SHANK2: variants seen among roughly 807,000 people sequenced by gnomAD.
The protein encoded by SHANK2 is SH3 and multiple ankyrin repeat domains 2.
In SHANK2, 43 loss-of-function variants were observed where a neutral mutation model predicts 133.7. That is an observed-to-expected ratio of 0.32 (90% CI 0.25 to 0.41). The LOEUF (loss-of-function observed/expected upper bound fraction) is 0.41, where lower values mean the gene tolerates loss of function less well. SHANK2 is among the 10% of genes least tolerant of loss of function. SHANK2 has a pLI of 1.00. For synonymous variants in SHANK2, 1,017 were observed against 952.8 expected, an observed-to-expected ratio of 1.07 and a Z score of -1.24; for missense variants, 1,994 against 2,235.8, an observed-to-expected ratio of 0.89 and a Z score of 2.18.
intron 10 of SHANK2, among the ~76,000 whole-genome samples, chr11:70,935,177 G>A (rs996055426): frequency 2.4e-4 from 36 of 152,116 alleles, no homozygotes; most frequent in African/African-American, 8.2e-4. Context: ...CTGTTGCTCC[G>A]TCCTGCCCAG....
intron 17 of SHANK2, among the ~76,000 whole-genome samples, chr11:70,638,922 G>A (rs879971694): frequency 6.6e-6 from 1 of 152,080 alleles, no homozygotes; most frequent in Non-Finnish European, 1.5e-5. Context: ...ATTTGAACAC[G>A]GGAGGTGGAG....
chr11:70,830,102 C>T lies in SHANK2; in HGVS notation c.1175-9420G>A, dbSNP rs568412299. Among the ~76,000 whole-genome samples, 184 of 152,318 alleles carry T rather than the reference C, an allele frequency of 1.2e-3. 1 individual carries two copies. Among genetic ancestry groups the T allele is most frequent in the Non-Finnish European group, 2.0e-3 (139 of 68,030 alleles). ...TCCTCATTTGCCAAGAAGTCTGGCG[C>T]TGAAGGCACAGACTCTGCCCCGACA... On this transcript the variant is annotated intron_variant, in intron 11 of 25. Transcript: ENST00000601538. This position sits in a 1 kb window ranked among gnomAD's most constrained non-coding sequence, Gnocchi z 4.4.
intron 10 of SHANK2, among the ~76,000 whole-genome samples, chr11:70,897,219 G>A (rs553633282): frequency 6.6e-6 from 1 of 152,288 alleles, no homozygotes; most frequent in East Asian, 1.9e-4. Context: ...TGGCCATGGA[G>A]ACCCATAAGG....
intron 11 of SHANK2, among the ~76,000 whole-genome samples, chr11:70,828,409 G>A (rs564696272): frequency 9.9e-5 from 15 of 152,276 alleles, no homozygotes; most frequent in African/African-American, 2.9e-4. Flanking sequence ...ATGCATCACC[G>A]ACTCATAAAA....
chr11:70,703,796 C>T lies in SHANK2; in HGVS notation c.1778-5033G>A, dbSNP rs143093975. On this transcript the variant is annotated intron_variant, in intron 14 of 25. Transcript: ENST00000601538. The stretch of plus-strand genomic sequence containing the variant: ...GCCTCAGAGCTGACCACACCTTCAG[C>T]CGCGCATGCACCTGCTCACCTGGCT... Among the ~76,000 whole-genome samples the T allele has an allele frequency of 1.5e-3, 222 of 152,316 alleles. 1 individual carries two copies. Among genetic ancestry groups the T allele is most frequent in the Admixed American group, 3.0e-3 (46 of 15,306 alleles).
intron 10 of SHANK2, among the ~76,000 whole-genome samples, chr11:70,938,517 T>C (rs1025661496): frequency 6.6e-6 from 1 of 152,144 alleles, no homozygotes; most frequent in African/African-American, 2.4e-5. Flanking sequence ...AAAATACATA[T>C]ATGTGTCATT....
At chr11:71,172,011 G>A (rs1213623548) in intron 2 of SHANK2, among the ~76,000 whole-genome samples, 2 of 152,174 alleles carry the variant, frequency 1.3e-5, no homozygotes, top group Non-Finnish European at 2.9e-5. Flanking sequence ...GCAGCAGTAG[G>A]GTGATGGGAA....
intron 1 of SHANK2, among the ~76,000 whole-genome samples, chr11:71,231,625 C>A (rs1954743360): frequency 6.6e-6 from 1 of 152,184 alleles, no homozygotes; most frequent in Admixed American, 6.5e-5. Context: ...CAGTGGCTCA[C>A]ACCTGTAATA....
intron 15 of SHANK2, among the ~76,000 whole-genome samples, chr11:70,679,117 C>T (rs1197624064): frequency 5.9e-5 from 9 of 152,220 alleles, no homozygotes; most frequent in African/African-American, 1.4e-4. Context: ...TAGTAAAACA[C>T]GGCTGACCGC....
At chr11:70,937,176 C>T (rs1342710225) in intron 10 of SHANK2, among the ~76,000 whole-genome samples, 1 of 152,148 alleles carries the variant, frequency 6.6e-6, no homozygotes, top group Non-Finnish European at 1.5e-5. Context: ...ATCGATAGAG[C>T]CTGTGTCTAG....
In SHANK2 at chr11:70,661,547, ACAC is replaced by A. The variant is rs1565223415; in HGVS notation, c.1936+46_1936+48del. On this transcript the variant is annotated intron_variant, in intron 16 of 25. Transcript: ENST00000601538. ...CACACACACACACACACACACACACACACACACAAACATGGGAACATATTCAGG... is the reference window on the plus strand; with the variant it reads ...CACACACACACACACACACACACACAACACAAACATGGGAACATATTCAGG... 56 of 1,391,816 alleles carry A rather than the reference ACAC, an allele frequency of 4.0e-5. 1 individual carries two copies. The African/African-American group carries it at 7.7e-4, about 19-fold the overall frequency. The allele number at this position is 1,391,816 out of a possible 1,614,324, so 86.2% of individuals were successfully genotyped here.
rs141533433 is a variant in SHANK2 at position 71,131,976 on chromosome 11, G to A, written c.208-12944C>T. On this transcript the variant is annotated intron_variant, in intron 3 of 25. Coordinates refer to ENST00000601538, the MANE Select transcript of SHANK2 (RefSeq NM_012309.5). ...AGGAGCAGGGATTAAGGGGGTCCCC[G>A]AGGCCGAGCTAATGAGTCCAACTCG... 5.0e-3 allele frequency among the ~76,000 whole-genome samples: 768 copies of A among 152,340 alleles called. 4 individuals are homozygous for A. The highest frequency in any genetic ancestry group is 0.018 in the African/African-American group (744 of 41,580).
intron 11 of SHANK2, among the ~76,000 whole-genome samples, chr11:70,887,816 C>T (rs1949770181): frequency 6.6e-6 from 1 of 152,116 alleles, no homozygotes; most frequent in Non-Finnish European, 1.5e-5. Flanking sequence ...GAATTTGCTT[C>T]CACCAGACCC....
chr11:70,861,059 G>A lies in SHANK2; in HGVS notation c.1174+35442C>T, dbSNP rs535468311. Among the ~76,000 whole-genome samples the A allele has an allele frequency of 2.1e-3, 323 of 152,268 alleles. 2 individuals carry two copies. The highest frequency in any genetic ancestry group is 7.7e-4 in the East Asian group (4 of 5,172). On this transcript the variant is annotated intron_variant, in intron 11 of 25. Coordinates refer to ENST00000601538, the MANE Select transcript of SHANK2 (RefSeq NM_012309.5). Reference sequence around the variant, plus strand: ...CCTTTCCGGGCCCCCTTGTGGGAGGGAAGCATTCCGACCTGCCCCCTCTGC... The same window carrying A: ...CCTTTCCGGGCCCCCTTGTGGGAGGAAAGCATTCCGACCTGCCCCCTCTGC...
chr11:70,920,677 C>T (rs1555080564), intron 10 of SHANK2, among the ~76,000 whole-genome samples: 1 of 152,210 alleles, frequency 6.6e-6, no homozygotes, highest in Non-Finnish European at 1.5e-5. Flanking sequence ...ACTCCAGTGA[C>T]AGCACGCCAC....
rs527257732 is a variant in SHANK2, at chr11:70,504,771, G to A, written c.2062-1840C>T. On this transcript the variant is annotated intron_variant, in intron 17 of 25. Transcript: ENST00000601538. ...GATGGATTTAGGAAGTAAAGGAGCC[G>A]GATCGAGGAAGACAGCACCGGGAGT... Among the ~76,000 whole-genome samples, 10 of 151,908 alleles carry A rather than the reference G, an allele frequency of 6.6e-5. No homozygotes were observed. In the South Asian group the frequency reaches 8.4e-4, roughly 13 times the overall value.
intron 10 of SHANK2, 68 bp from the exon 11 acceptor site, chr11:70,896,635 C>A: frequency 2.9e-6 from 2 of 698,756 alleles, no homozygotes; most frequent in Non-Finnish European, 2.7e-6. Context: ...TATACTATTA[C>A]ATCATTGAAG....
chr11:70,807,181 G>A lies in SHANK2; in HGVS notation c.1494-10C>T. ...AAGAGCAAAAGGCGACCTGGACCAG[G>A]TGAGAGGGGCAGAGAGAGAGAGAGC... is the stretch of plus-strand genomic sequence containing the variant. On this transcript the variant is annotated splice_polypyrimidine_tract_variant and intron_variant, in intron 12 of 25. Transcript: ENST00000601538. This position sits in a 1 kb window ranked among gnomAD's most constrained non-coding sequence, Gnocchi z 4.8. 1 of 716,298 alleles carries A rather than the reference G, an allele frequency of 1.4e-6. No homozygotes were observed. The allele number at this position is 716,298 out of a possible 1,614,324, so 44.4% of individuals were successfully genotyped here.
At chr11:70,788,711 C>T (rs896010553) in intron 14 of SHANK2, among the ~76,000 whole-genome samples, 4 of 152,172 alleles carry the variant, frequency 2.6e-5, no homozygotes, top group African/African-American at 9.7e-5. Context: ...TTCTCCTGCC[C>T]AGCCCTGACC....
Sources: gnomAD v4.1 joint callset for allele counts (sites outside exome capture counted in the v4.1 genomes callset) on GRCh38, gnomAD v4.1.1 for gene constraint, Gnocchi (gnomAD v3.1) non-coding constraint, MANE v1.5 for transcripts, NCBI Gene and HGNC (gene_info 2026-07-23, HGNC 2026-07-21) for gene names.